Variants in SLC25A13 observed in about 807,000 individuals in gnomAD.
SLC25A13 encodes the protein solute carrier family 25 member 13.
SLC25A13 carries 70 observed loss-of-function variants against 85.5 expected under a neutral mutation model. The ratio of observed to expected loss-of-function variants is 0.82; its 90% CI spans 0.68 to 1.00. SLC25A13 has a LOEUF of 1.00. Ranked by LOEUF, SLC25A13 falls within the 50% of genes least tolerant of loss-of-function variation. The pLI, the probability that SLC25A13 is intolerant of heterozygous loss-of-function variation, is 0.00. For missense variants in SLC25A13, 765 were observed against 819.8 expected (o/e 0.93, Z 0.82); for synonymous variants, 259 against 288.7 (o/e 0.90, Z 1.04).
rs1476743069 is a variant in SLC25A13 at position 96,131,983 on chromosome 7, G to A, written c.1453-102C>T. 168 of 1,479,286 alleles carry A rather than the reference G, an allele frequency of 1.1e-4. 2 individuals are homozygous for A. Among genetic ancestry groups the A allele is most frequent in the Non-Finnish European group, 5.6e-6 (6 of 1,065,184 alleles). 91.6% of individuals were successfully genotyped at this position (1,479,286 alleles called of 1,614,324 possible). A position where few individuals can be genotyped will look rare whatever the true frequency, so the allele number is the denominator to read the frequency against. ...CTCAGAACAAAATATTCCTGGAGAA[G>A]ACCAAATTTGTACTCACACATTGAA... On this transcript the variant is annotated intron_variant, in intron 14 of 17. Coordinates refer to ENST00000265631, the MANE Select transcript of SLC25A13 (RefSeq NM_014251.3).
rs748680196 is a variant in SLC25A13 at position 96,296,886 on chromosome 7, C to T, written c.69+12G>A. Reference sequence around the variant, plus strand: ...ATCAAACAAGAAACAAAATAGATTCCTTTATACTGACCTTCAAAAATATTG... The same window carrying T: ...ATCAAACAAGAAACAAAATAGATTCTTTTATACTGACCTTCAAAAATATTG... On this transcript the variant is annotated intron_variant, in intron 2 of 17. Coordinates refer to ENST00000265631, the MANE Select transcript of SLC25A13 (RefSeq NM_014251.3). The T allele has an allele frequency of 5.0e-6, 8 of 1,610,278 alleles. No individual in the cohort carries two copies. The African/African-American group carries it at 1.1e-4, about 22-fold the overall frequency.
chr7:96,185,441 A>T (rs1794596833), intron 9 of SLC25A13, among the ~76,000 whole-genome samples: 1 of 151,804 alleles, frequency 6.6e-6, no homozygotes, highest in Admixed American at 6.6e-5. Flanking sequence ...CTATAATATA[A>T]CACAAAAATT....
intron 3 of SLC25A13, among the ~76,000 whole-genome samples, chr7:96,253,040 G>A (rs995119436): frequency 6.6e-6 from 1 of 152,216 alleles, no homozygotes. Context: ...GTTGCAGTGA[G>A]CTGAGATCAT....
intron 13 of SLC25A13, among the ~76,000 whole-genome samples, chr7:96,160,321 A>G (rs77650345): frequency 0.018 from 2,772 of 152,304 alleles, 36 homozygotes; most frequent in Non-Finnish European, 0.024. Context: ...TGAAAGTTGG[A>G]CTTTCCTCTA....
chr7:96,168,098 GAAAAAAAAAAAAAAAAA>G (rs543491037), intron 13 of SLC25A13, among the ~76,000 whole-genome samples: 1,873 of 19,812 alleles, frequency 0.095, 117 homozygotes, highest in African/African-American at 0.19. Flanking sequence ...AACTCTGTCT[GAAAAAAAAAAAAAAAAA>G]AAAAAAAAAA....
At chr7:96,156,268 C>G (rs1405868915) in intron 13 of SLC25A13, among the ~76,000 whole-genome samples, 1 of 152,056 alleles carries the variant, frequency 6.6e-6, no homozygotes, top group Admixed American at 6.6e-5. Context: ...CAGTAAAATC[C>G]CCAAATCTGA....
chr7:96,290,418 C>T (rs4364577), intron 2 of SLC25A13, among the ~76,000 whole-genome samples: 23,554 of 152,020 alleles, frequency 0.15, 2,152 homozygotes, highest in East Asian at 0.23. Context: ...CAAATTCACA[C>T]ATAACAATAT....
chr7:96,277,147 G>A (rs1027521568), intron 3 of SLC25A13, 49 bp downstream of exon 3: 23 of 1,513,128 alleles, frequency 1.5e-5, no homozygotes, highest in Admixed American at 1.1e-4. Flanking sequence ...GCAAAAGAAA[G>A]CTGTTTCAAA....
In SLC25A13 at chr7:96,277,304, A is replaced by G; in HGVS notation, c.104T>C (p.Met35Thr). The change falls in exon 3 of 18, where the codon ATG (methionine) becomes ACG (threonine). Residue 35 changes from methionine (M) to threonine (T), a missense_variant. Physicochemically the swap from Met to Thr is moderately conservative, Grantham distance 81 (BLOSUM62 -1). Transcript: ENST00000265631. Reference protein sequence around the residue: ...ASIEKNGEFFMSPNDFVTRYL... With the variant: ...ASIEKNGEFFTSPNDFVTRYL... ...TCGAGTGACAAAGTCATTGGGGGACATGAAAAATTCACCGTTTTTCTCAAT... is the reference window on the plus strand; with the variant it reads ...TCGAGTGACAAAGTCATTGGGGGACGTGAAAAATTCACCGTTTTTCTCAAT... 6.2e-7 allele frequency: 1 copy of G among 1,613,202 alleles called. No homozygotes were observed. The highest frequency in any genetic ancestry group is 8.5e-7 in the Non-Finnish European group (1 of 1,179,568).
chr7:96,216,051 A>G (rs967979169), intron 4 of SLC25A13, among the ~76,000 whole-genome samples: 1 of 151,954 alleles, frequency 6.6e-6, no homozygotes, highest in East Asian at 1.9e-4. Flanking sequence ...GCTACTCAGG[A>G]GGCTGAGGCA....
chr7:96,291,744 T>C (rs1799127146), intron 2 of SLC25A13, among the ~76,000 whole-genome samples: 1 of 152,180 alleles, frequency 6.6e-6, no homozygotes, highest in Non-Finnish European at 1.5e-5. Flanking sequence ...GTTGAATCCC[T>C]GAATAGACCA....
Position 96,272,187 on chromosome 7 carries a change from C to T in SLC25A13, c.212+5009G>A, listed in dbSNP as rs536866764. Among the ~76,000 whole-genome samples, 7 of 152,294 alleles carry T rather than the reference C, an allele frequency of 4.6e-5. No homozygotes were observed. In the South Asian group the frequency reaches 1.4e-3, roughly 32 times the overall value. ...ACAGGCGTAAGCCACCACGCTCAGC[C>T]TATTTATTCATTTATTTTTTAAACA... On this transcript the variant is annotated intron_variant, in intron 3 of 17. Transcript: ENST00000265631.
In SLC25A13 at chr7:96,184,947, C is replaced by A. The variant is rs770931172; in HGVS notation, c.998G>T (p.Gly333Val). 1.9e-6 allele frequency: 3 copies of A among 1,614,182 alleles called. No homozygotes were observed. The highest frequency in any genetic ancestry group is 2.5e-6 in the Non-Finnish European group (3 of 1,180,038). ...LQVAESAYRF[G>V]LGSVAGAVGA... ...CTAACCTCCAGCAACAGAACCCAGACCAAACCTGTAGGCCGACTCTGCAAC... is the reference window on the plus strand; with the variant it reads ...CTAACCTCCAGCAACAGAACCCAGAACAAACCTGTAGGCCGACTCTGCAAC... Residue 333 changes from glycine (G) to valine (V), a missense_variant, in exon 10 of 18, where the codon GGT becomes GTT. Coordinates refer to ENST00000265631, the MANE Select transcript of SLC25A13 (RefSeq NM_014251.3).
At chr7:96,309,972 G>A (rs1010977069) in intron 1 of SLC25A13, among the ~76,000 whole-genome samples, 1 of 152,116 alleles carries the variant, frequency 6.6e-6, no homozygotes, top group African/African-American at 2.4e-5. Flanking sequence ...GAGGAAATTA[G>A]GATACAGACA....
chr7:96,236,680 T>G (rs998449953), intron 3 of SLC25A13, among the ~76,000 whole-genome samples: 3 of 152,252 alleles, frequency 2.0e-5, no homozygotes, highest in African/African-American at 7.2e-5. Context: ...CATTTTGGCC[T>G]GAAAACCAGG....
At chr7:96,136,589 T>C (rs1052884973) in intron 14 of SLC25A13, among the ~76,000 whole-genome samples, 9 of 152,148 alleles carry the variant, frequency 5.9e-5, no homozygotes, top group Non-Finnish European at 1.2e-4. Context: ...GCCCAATCAA[T>C]CCAAAGTGGG....
intron 3 of SLC25A13, among the ~76,000 whole-genome samples, chr7:96,243,761 A>T (rs1168551671): frequency 6.6e-6 from 1 of 152,152 alleles, no homozygotes; most frequent in Non-Finnish European, 1.5e-5. Context: ...GCCAGCGCCC[A>T]AAGCAGGCCA....
At chr7:96,131,918 A>G in intron 14 of SLC25A13, 37 bp from the exon 15 acceptor site, 1 of 1,613,476 alleles carries the variant, frequency 6.2e-7, no homozygotes, top group South Asian at 1.1e-5. Flanking sequence ...CACATGAAAC[A>G]CATATCCCAT....
chr7:96,215,738 T>A (rs926374318), intron 4 of SLC25A13, among the ~76,000 whole-genome samples: 33 of 152,000 alleles, frequency 2.2e-4, no homozygotes, highest in Admixed American at 6.6e-5. Flanking sequence ...AATATAGACA[T>A]AATTTTTGTG....
Sources: allele counts gnomAD v4.1 joint callset (sites outside exome capture counted in the v4.1 genomes callset), GRCh38; gene constraint gnomAD v4.1.1; transcripts MANE v1.5; gene names NCBI Gene and HGNC (gene_info 2026-07-23, HGNC 2026-07-21).